Variants in LPIN2 observed in about 807,000 individuals in gnomAD.
The protein encoded by LPIN2 is lipin 2.
A neutral mutation model predicts 111.4 loss-of-function variants in LPIN2; 55 were observed. That is an observed-to-expected ratio of 0.49 (90% CI 0.40 to 0.62). The LOEUF (loss-of-function observed/expected upper bound fraction) is 0.62. LPIN2 is among the 20% of genes least tolerant of loss of function. LPIN2 has a pLI of 0.00. For missense variants in LPIN2, 992 were observed against 1,112.1 expected (o/e 0.89, Z 1.54); for synonymous variants, 425 against 414.0 (o/e 1.03, Z -0.32).
chr18:2,925,348 G>A lies in LPIN2; in HGVS notation c.1814C>T (p.Ser605Leu), dbSNP rs781778980. The A allele has an allele frequency of 2.3e-5, 37 of 1,614,110 alleles. No individual in the cohort carries two copies. The highest frequency in any genetic ancestry group is 8.9e-5 in the East Asian group (4 of 44,870). ...AGARPAENDS[S>L]SDEGSQELEE... ...GAGCTCCTGTGATCCCTCGTCACTCGAGGAGTCATTCTCGGCCGGCCTGTT... is the reference window on the plus strand; with the variant it reads ...GAGCTCCTGTGATCCCTCGTCACTCAAGGAGTCATTCTCGGCCGGCCTGTT... Residue 605 changes from serine (S) to leucine (L), a missense_variant, in exon 14 of 20, where the codon TCG (serine) becomes TTG (leucine). Around this residue, in one of 4 missense-constraint regions of LPIN2, gnomAD observed 709 missense variants for 753.2 expected, o/e 0.94. Transcript: ENST00000677752. This position sits in a 1 kb window ranked among gnomAD's most constrained non-coding sequence, Gnocchi z 4.1.
intron 4 of LPIN2, chr18:2,945,936 A>C (rs1385581076): frequency 5.7e-6 from 8 of 1,411,096 alleles, no homozygotes; most frequent in Non-Finnish European, 7.0e-6. Flanking sequence ...AGAATGTATT[A>C]AAATCAGAAG....
At chr18:2,969,666 T>C (rs950198583) in intron 1 of LPIN2, among the ~76,000 whole-genome samples, 7 of 152,276 alleles carry the variant, frequency 4.6e-5, no homozygotes, top group African/African-American at 1.7e-4. Flanking sequence ...CTTAAGAATG[T>C]AGGTTCATTC....
intron 1 of LPIN2, among the ~76,000 whole-genome samples, chr18:2,968,555 G>C (rs1394033779): frequency 1.4e-5 from 2 of 144,104 alleles, no homozygotes; most frequent in Non-Finnish European, 3.1e-5. Context: ...CTGTTAGGAA[G>C]ACTAGAGAAC....
chr18:3,004,334 A>G (rs1281604308), intron 1 of LPIN2, among the ~76,000 whole-genome samples: 2 of 152,128 alleles, frequency 1.3e-5, no homozygotes, highest in African/African-American at 2.4e-5. Flanking sequence ...CGGGGTCATC[A>G]TTACGGTCCT....
rs1374913256 is a variant in LPIN2, at chr18:2,925,742, A to G, written c.1794-374T>C. Among the ~76,000 whole-genome samples the G allele has an allele frequency of 1.3e-5, 2 of 152,234 alleles. No individual in the cohort carries two copies. Among genetic ancestry groups the G allele is most frequent in the African/African-American group, 4.8e-5 (2 of 41,454 alleles). On this transcript the variant is annotated intron_variant, in intron 13 of 19. Coordinates refer to ENST00000677752, the MANE Select transcript of LPIN2 (RefSeq NM_001375808.2). This position sits in a 1 kb window ranked among gnomAD's most constrained non-coding sequence, Gnocchi z 4.1. ...AAACTCCGGCTGGGTGCGGTGCCTC[A>G]CACCTGTAATCCCAACACTTTGGGA...
chr18:2,921,466 A>T (rs2077052827), intron 18 of LPIN2, 67 bp downstream of exon 18: 1 of 1,171,986 alleles, frequency 8.5e-7, no homozygotes, highest in Non-Finnish European at 1.3e-6. Context: ...GGACGTGGCT[A>T]CACCCCACGA....
rs746938405 is a variant in LPIN2, at chr18:2,940,702, T to C, written c.601A>G (p.Asn201Asp). Residue 201 changes from asparagine to aspartate, a missense_variant, in exon 5 of 20, where the codon AAT becomes GAT. Coordinates refer to ENST00000677752, the MANE Select transcript of LPIN2 (RefSeq NM_001375808.2). ...KGAQAARGSS[N>D]ASLKEEECKE... ...CATTCTTCTTCTTTCAAGGAAGCAT[T>C]TGAAGATCCTCTGTGAAGGAGAAAC... is the stretch of plus-strand genomic sequence containing the variant. The C allele has an allele frequency of 3.1e-6, 5 of 1,606,472 alleles. No individual in the cohort carries two copies. Among genetic ancestry groups the C allele is most frequent in the African/African-American group, 1.3e-5 (1 of 74,896 alleles).
intron 1 of LPIN2, among the ~76,000 whole-genome samples, chr18:2,983,655 G>A (rs942165050): frequency 3.9e-5 from 6 of 152,054 alleles, no homozygotes; most frequent in African/African-American, 1.5e-4. Flanking sequence ...TGTGCTCCAA[G>A]TGTAAAATAC....
chr18:2,996,813 C>T (rs2078352648), intron 1 of LPIN2, among the ~76,000 whole-genome samples: 1 of 151,940 alleles, frequency 6.6e-6, no homozygotes, highest in Non-Finnish European at 1.5e-5. Context: ...CATATATATC[C>T]CAGAATAACA....
intron 3 of LPIN2, among the ~76,000 whole-genome samples, chr18:2,953,203 C>CT (rs1252138312): frequency 1.3e-5 from 2 of 152,152 alleles, no homozygotes; most frequent in Non-Finnish European, 2.9e-5. Flanking sequence ...CCAAGTTGTC[C>CT]TTGCTGAGCA....
Position 2,920,404 on chromosome 18 carries a change from C to T in LPIN2, c.2580G>A (p.Val860=), listed in dbSNP as rs2077036327. 2 of 1,613,898 alleles carry T rather than the reference C, an allele frequency of 1.2e-6. No homozygotes were observed. Among genetic ancestry groups the T allele is most frequent in the Non-Finnish European group, 1.7e-6 (2 of 1,180,030 alleles). The stretch of plus-strand genomic sequence containing the variant: ...TCTGCTCCTTACTGAGAAGGGGGAA[C>T]ACATGCTCCACGAGCTCACTCAGCC... The part of the protein sequence containing the change: ...YHRLSELVEH[V]FPLLSKEQNS... The change falls in exon 20 of 20, where the codon GTG becomes GTA. Residue 860 remains valine (V), a synonymous_variant. Coordinates refer to ENST00000677752, the MANE Select transcript of LPIN2 (RefSeq NM_001375808.2).
chr18:2,947,100 A>T (rs928147046), intron 4 of LPIN2, among the ~76,000 whole-genome samples: 6 of 152,194 alleles, frequency 3.9e-5, no homozygotes, highest in Non-Finnish European at 5.9e-5. Context: ...ATCTGTGAAA[A>T]GTCTTAGGCT....
chr18:2,963,971 GTAT>G (rs1323285094), intron 1 of LPIN2, among the ~76,000 whole-genome samples: 1 of 151,742 alleles, frequency 6.6e-6, no homozygotes, highest in East Asian at 1.9e-4. Flanking sequence ...TTTAGAGGTG[GTAT>G]TATTTCTATT....
intron 1 of LPIN2, among the ~76,000 whole-genome samples, chr18:2,962,580 C>A (rs1052263515): frequency 1.3e-5 from 2 of 152,028 alleles, no homozygotes; most frequent in African/African-American, 4.8e-5. Context: ...ATTCATATAA[C>A]ATCCCATTAT....
chr18:3,006,115 A>G (rs1258664040), intron 1 of LPIN2, among the ~76,000 whole-genome samples: 1 of 152,214 alleles, frequency 6.6e-6, no homozygotes, highest in African/African-American at 2.4e-5. Context: ...GTGACTTAAG[A>G]GAGATACTTT....
intron 1 of LPIN2, among the ~76,000 whole-genome samples, chr18:2,980,975 T>C (rs1051324205): frequency 6.6e-6 from 1 of 152,206 alleles, no homozygotes; most frequent in Non-Finnish European, 1.5e-5. Flanking sequence ...GCTTTTTCCT[T>C]AGCAAATAAA....
chr18:2,978,318 AAACC>A (rs2078052958), intron 1 of LPIN2, among the ~76,000 whole-genome samples: 1 of 152,240 alleles, frequency 6.6e-6, no homozygotes, highest in African/African-American at 2.4e-5. Flanking sequence ...TATAGTAGAG[AAACC>A]TGGAAGACAC....
intron 2 of LPIN2, among the ~76,000 whole-genome samples, chr18:2,959,013 G>A (rs1257740194): frequency 6.6e-6 from 1 of 152,036 alleles, no homozygotes; most frequent in Non-Finnish European, 1.5e-5. Flanking sequence ...TCAGTTTGTT[G>A]CCAATTCCCC....
At chr18:2,977,139 C>G (rs1284568559) in intron 1 of LPIN2, 1 of 148,734 alleles carries the variant, frequency 6.7e-6, no homozygotes, top group East Asian at 2.0e-4. Flanking sequence ...GCCTGGGAGG[C>G]AGAGGTTGCC....
Sources: gnomAD v4.1 joint callset for allele counts (sites outside exome capture counted in the v4.1 genomes callset) on GRCh38, gnomAD v4.1.1 for gene constraint, gnomAD v4.1.1 regional missense constraint, Gnocchi (gnomAD v3.1) non-coding constraint, MANE v1.5 for transcripts, NCBI Gene and HGNC (gene_info 2026-07-23, HGNC 2026-07-21) for gene names.